The following PRR12 variants were observed in gnomAD, a reference collection of about 807,000 sequenced individuals.
PRR12 encodes proline-rich protein 12.
A neutral mutation model predicts 138.0 loss-of-function variants in PRR12; 12 were observed. The observed-to-expected ratio is 0.09, with a 90% CI of 0.06 to 0.14. The LOEUF (loss-of-function observed/expected upper bound fraction) is 0.14, where lower values mean the gene tolerates loss of function less well. PRR12 is among the 10% of genes least tolerant of loss of function. The pLI, the probability that PRR12 is intolerant of heterozygous loss-of-function variation, is 1.00. For missense variants in PRR12, 2,692 were observed against 2,861.3 expected, an observed-to-expected ratio of 0.94 and a Z score of 1.35; for synonymous variants, 1,567 against 1,291.7, an observed-to-expected ratio of 1.21 and a Z score of -4.57.
At chr19:49,609,272 TC>T (rs2080853672) in intron 6 of PRR12, among the ~76,000 whole-genome samples, 1 of 152,002 alleles carries the variant, frequency 6.6e-6, no homozygotes, top group Non-Finnish European at 1.5e-5. Context: ...TCGATTGCAC[TC>T]CCACCTGGGC....
Position 49,616,789 on chromosome 19 carries a change from A to G in PRR12, c.5497+570A>G, listed in dbSNP as rs181918621. Among the ~76,000 whole-genome samples, 121 of 152,072 alleles carry G rather than the reference A, an allele frequency of 8.0e-4. 1 individual carries two copies. Among genetic ancestry groups the G allele is most frequent in the South Asian group, 1.5e-3 (7 of 4,808 alleles). On this transcript the variant is annotated intron_variant, in intron 9 of 13. Transcript: ENST00000418929. This position sits in a 1 kb window ranked among gnomAD's most constrained non-coding sequence, Gnocchi z 4.2. ...AATCTTTAGTAGACACTACCTGTCTACTCCATGTCTGCCCAGCACACTGCC... is the reference window on the plus strand; with the variant it reads ...AATCTTTAGTAGACACTACCTGTCTGCTCCATGTCTGCCCAGCACACTGCC...
At position 49,595,720 on chromosome 19, in the gene PRR12, G is replaced by A. The variant is rs1257990565; in HGVS notation, c.1385G>A (p.Gly462Glu). 6.3e-7 allele frequency: 1 copy of A among 1,592,198 alleles called. No homozygotes were observed. The highest frequency in any genetic ancestry group is 1.7e-5 in the Admixed American group (1 of 57,190). Reference protein sequence around the residue: ...LGPQAYGQGFGGGQAQDLSKA... With the variant: ...LGPQAYGQGFEGGQAQDLSKA... ...CCCCAGGCCTACGGGCAAGGGTTTG[G>A]AGGGGGGCAGGCACAGGACTTGAGC... The change falls in exon 4 of 14, where the codon GGA (glycine) becomes GAA (glutamate). Residue 462 changes from glycine (G) to glutamate (E), a missense_variant. Gly to Glu is a moderately conservative substitution (Grantham distance 98). This residue lies in a region of PRR12 where 523 missense variants were observed against 496.4 expected (regional missense o/e 1.05). Coordinates refer to ENST00000418929, the MANE Select transcript of PRR12 (RefSeq NM_020719.3).
At chr19:49,603,497 C>T (rs1050098244) in intron 6 of PRR12, among the ~76,000 whole-genome samples, 4 of 152,176 alleles carry the variant, frequency 2.6e-5, no homozygotes, top group African/African-American at 9.7e-5. Context: ...TTGAGACCAG[C>T]CTGGCCAACA....
rs1389938575 is a variant in PRR12 at position 49,620,360 on chromosome 19, G to A, written c.5506G>A (p.Val1836Ile). The A allele has an allele frequency of 9.9e-6, 16 of 1,613,032 alleles. No individual in the cohort carries two copies. The East Asian group carries it at 2.2e-4, about 22-fold the overall frequency. ...PGAPSEDERA[V>I]PGRLLKTRAM... is the part of the protein sequence containing the mutation. ...TCCTGTCTTTTCTGCAGAGCGGGCA[G>A]TACCTGGGCGTCTGCTCAAAACCAG... Residue 1836 changes from valine (V) to isoleucine (I), a missense_variant, in exon 10 of 14, where the codon GTA becomes ATA. Around this residue, in one of 11 missense-constraint regions of PRR12, gnomAD observed 259 missense variants for 265.1 expected, o/e 0.98. Coordinates refer to ENST00000418929, the MANE Select transcript of PRR12 (RefSeq NM_020719.3).
At chr19:49,598,852 G>A (rs1348751192) in intron 4 of PRR12, among the ~76,000 whole-genome samples, 1 of 152,148 alleles carries the variant, frequency 6.6e-6, no homozygotes, top group Admixed American at 6.5e-5. Context: ...AGGGAGAGAG[G>A]CAGGAGGTTG....
At chr19:49,591,836 A>C in intron 1 of PRR12, 96 bp downstream of exon 1, 3 of 652,108 alleles carry the variant, frequency 4.6e-6, no homozygotes, top group South Asian at 1.0e-4. Flanking sequence ...CGACGCGTGC[A>C]TCGCAAACTC....
chr19:49,594,825 G>C lies in PRR12; in HGVS notation c.490G>C (p.Val164Leu). 1 of 1,611,938 alleles carries C rather than the reference G, an allele frequency of 6.2e-7. No homozygotes were observed. Among genetic ancestry groups the C allele is most frequent in the Non-Finnish European group, 8.5e-7 (1 of 1,179,336 alleles). ...TTCCTTCGGCAGCCGCCCCTTCCCA[G>C]TGCCCTCGTCCCTCAGCCTCCAGGA... ...PASFGSRPFP[V>L]PSSLSLQDPP... The change falls in exon 4 of 14, where the codon GTG (valine) becomes CTG (leucine). Residue 164 changes from valine to leucine, a missense_variant. Val to Leu is a conservative substitution (Grantham distance 32). Transcript: ENST00000418929. The surrounding 1 kb of genome is among the most constrained non-coding windows in gnomAD (Gnocchi z 5.6).
In PRR12 at chr19:49,614,832, G is replaced by T; in HGVS notation, c.4891-44G>T. On this transcript the variant is annotated intron_variant, in intron 7 of 13. Coordinates refer to ENST00000418929, the MANE Select transcript of PRR12 (RefSeq NM_020719.3). The surrounding 1 kb of genome is among the most constrained non-coding windows in gnomAD (Gnocchi z 5.0). Reference sequence around the variant, plus strand: ...GCACGGGGGTGTTGGCCATCTGGCTGGGCAGTGTGAAGAATTTCCTCATGT... The same window carrying T: ...GCACGGGGGTGTTGGCCATCTGGCTTGGCAGTGTGAAGAATTTCCTCATGT... 1 of 1,613,406 alleles carries T rather than the reference G, an allele frequency of 6.2e-7. No homozygotes were observed. Among genetic ancestry groups the T allele is most frequent in the South Asian group, 1.1e-5 (1 of 91,034 alleles).
At chr19:49,600,697 C>CTT (rs201540759) in intron 5 of PRR12, among the ~76,000 whole-genome samples, 2 of 145,064 alleles carry the variant, frequency 1.4e-5, no homozygotes, top group South Asian at 2.2e-4. Context: ...CTATAACGTT[C>CTT]TTTTTTTTTT....
chr19:49,620,050 G>A (rs2080913936), intron 9 of PRR12, among the ~76,000 whole-genome samples: 1 of 150,124 alleles, frequency 6.7e-6, no homozygotes, highest in Non-Finnish European at 1.5e-5. Context: ...ACAGGGTTTT[G>A]CCACGCTGGC....
chr19:49,621,219 G>T (rs1332882897), intron 10 of PRR12, among the ~76,000 whole-genome samples: 1 of 146,080 alleles, frequency 6.8e-6, no homozygotes, highest in Non-Finnish European at 1.5e-5. Context: ...GAGGGGCTGG[G>T]GGTCTGGACT....
chr19:49,624,721 C>A, intron 11 of PRR12, 123 bp from the exon 12 acceptor site: 1 of 1,390,442 alleles, frequency 7.2e-7, no homozygotes, highest in Non-Finnish European at 9.6e-7. Flanking sequence ...TTTGAGGAGA[C>A]TCTAGTTGTC....
chr19:49,609,181 G>C (rs2080853203), intron 6 of PRR12, among the ~76,000 whole-genome samples: 1 of 152,134 alleles, frequency 6.6e-6, no homozygotes, highest in Admixed American at 6.6e-5. Context: ...CAGGTGTGGT[G>C]GCACATGCCT....
chr19:49,611,734 T>C (rs1169986301), intron 6 of PRR12, among the ~76,000 whole-genome samples: 59 of 107,008 alleles, frequency 5.5e-4, no homozygotes, highest in Middle Eastern at 7.4e-3. Flanking sequence ...CCATCCTGGC[T>C]AACGCGGTGA....
In PRR12 at chr19:49,599,679, C is replaced by T. The variant is rs1179985486; in HGVS notation, c.4086C>T (p.Pro1362=). ...GTCTGGGGCTTGGCTGCCCTTCACCCTGCAAGCGGCTTGATGAGGAGCTGA... is the reference window on the plus strand; with the variant it reads ...GTCTGGGGCTTGGCTGCCCTTCACCTTGCAAGCGGCTTGATGAGGAGCTGA... ...SEGLGLGCPS[P]CKRLDEELKR... Residue 1362 remains proline (P), a synonymous_variant, in exon 5 of 14, where the codon CCC becomes CCT. Coordinates refer to ENST00000418929, the MANE Select transcript of PRR12 (RefSeq NM_020719.3). The surrounding 1 kb of genome is among the most constrained non-coding windows in gnomAD (Gnocchi z 5.0). 1.2e-6 allele frequency: 2 copies of T among 1,613,408 alleles called. No individual in the cohort carries two copies. Among genetic ancestry groups the T allele is most frequent in the South Asian group, 2.2e-5 (2 of 91,086 alleles).
Position 49,625,030 on chromosome 19 carries a change from CG to C in PRR12, c.5868+42del, listed in dbSNP as rs755895489. 3 of 1,609,988 alleles carry C rather than the reference CG, an allele frequency of 1.9e-6. No individual in the cohort carries two copies. In the South Asian group the frequency reaches 3.3e-5, roughly 18 times the overall value. On this transcript the variant is annotated intron_variant, in intron 12 of 13. Transcript: ENST00000418929. The surrounding 1 kb of genome is among the most constrained non-coding windows in gnomAD (Gnocchi z 5.5). ...TGGGGCTGGGAGTGGGGAGTGCTGG[CG>C]GTATGTGGGAAGGGAGGAGAGGGGC...
intron 6 of PRR12, among the ~76,000 whole-genome samples, chr19:49,611,430 G>A (rs1192809313): frequency 2.0e-5 from 3 of 150,808 alleles, no homozygotes; most frequent in African/African-American, 2.4e-5. Context: ...TGAGGTCAGC[G>A]GTTTGAGACC....
chr19:49,598,589 G>A (rs2080791503), intron 4 of PRR12, among the ~76,000 whole-genome samples: 1 of 152,158 alleles, frequency 6.6e-6, no homozygotes, highest in African/African-American at 2.4e-5. Flanking sequence ...GGAGACTGAG[G>A]CGGGAGGATC....
At chr19:49,592,202 C>G (rs1034044939) in intron 1 of PRR12, among the ~76,000 whole-genome samples, 9 of 152,352 alleles carry the variant, frequency 5.9e-5, no homozygotes, top group Admixed American at 2.6e-4. Context: ...GGCCGCGCCA[C>G]TAGGCGCCCC....
Sources: allele counts gnomAD v4.1 joint callset (sites outside exome capture counted in the v4.1 genomes callset), GRCh38; gene constraint gnomAD v4.1.1; regional missense constraint gnomAD v4.1.1; non-coding constraint Gnocchi (gnomAD v3.1); transcripts MANE v1.5; gene names NCBI Gene and HGNC (gene_info 2026-07-23, HGNC 2026-07-21).